GNA11: variants seen among roughly 807,000 people sequenced by gnomAD.
GNA11 encodes the protein G protein subunit alpha 11, also known as guanine nucleotide-binding protein subunit alpha-11.
GNA11 carries 8 observed loss-of-function variants against 38.2 expected under a neutral mutation model. The ratio of observed to expected loss-of-function variants is 0.21; its 90% confidence interval spans 0.12 to 0.38. The LOEUF is 0.38. Ranked by LOEUF, GNA11 falls within the 10% of genes least tolerant of loss-of-function variation. The probability of loss-of-function intolerance (pLI) is 1.00; values close to 1 mark genes in which losing one functional copy is unlikely to be tolerated. For synonymous variants in GNA11, 211 were observed against 221.4 expected (o/e 0.95, Z 0.42); for missense variants, 268 against 516.3 (o/e 0.52, Z 4.66).
At chr19:3,118,308 A>C (rs2145325044) in intron 4 of GNA11, 1 of 152,308 alleles carries the variant, frequency 6.6e-6, no homozygotes, top group South Asian at 2.1e-4. Context: ...TAAGGAACGC[A>C]CGCCCGCAGA....
In GNA11 at chr19:3,113,477, G is replaced by A. The variant is rs2145318940; in HGVS notation, c.469G>A (p.Ala157Thr). Residue 157 changes from alanine (A) to threonine (T), a missense_variant, in exon 3 of 7, where the codon GCC (alanine) becomes ACC (threonine). Physicochemically the swap from Ala to Thr is moderately conservative, Grantham distance 58. This residue lies in a region of GNA11 where 151 missense variants were observed against 254.0 expected (regional missense o/e 0.59). Coordinates refer to ENST00000078429, the MANE Select transcript of GNA11 (RefSeq NM_002067.5). ...GCGCGAGTACCAGCTCTCCGACTCTGCCAAGTAGTAAGTGCGGCCGCACCG... is the reference window on the plus strand; with the variant it reads ...GCGCGAGTACCAGCTCTCCGACTCTACCAAGTAGTAAGTGCGGCCGCACCG... Reference protein sequence around the residue: ...RRREYQLSDSAKYYLTDVDRI... With the variant: ...RRREYQLSDSTKYYLTDVDRI... 1 of 1,598,706 alleles carries A rather than the reference G, an allele frequency of 6.3e-7. No homozygotes were observed.
At chr19:3,096,636 C>G (rs1470208486) in intron 1 of GNA11, among the ~76,000 whole-genome samples, 1 of 152,150 alleles carries the variant, frequency 6.6e-6, no homozygotes, top group Non-Finnish European at 1.5e-5. Flanking sequence ...CGGCCCTTCC[C>G]GCATCCTCTG....
At chr19:3,115,652 G>T (rs528837625) in intron 4 of GNA11, among the ~76,000 whole-genome samples, 1 of 151,342 alleles carries the variant, frequency 6.6e-6, no homozygotes, top group East Asian at 2.0e-4. Flanking sequence ...CTGGGGTCTG[G>T]AGTGCTGGCC....
At chr19:3,111,268 C>T (rs773553379) in intron 2 of GNA11, among the ~76,000 whole-genome samples, 6 of 152,180 alleles carry the variant, frequency 3.9e-5, no homozygotes, top group Non-Finnish European at 5.9e-5. Context: ...TCACCGCTGT[C>T]GGATTCCAGA....
chr19:3,107,402 G>T (rs994780062), intron 1 of GNA11, among the ~76,000 whole-genome samples: 3 of 152,134 alleles, frequency 2.0e-5, no homozygotes, highest in African/African-American at 7.2e-5. Flanking sequence ...TGGCCTGAGG[G>T]ACCTTGTGTC....
rs369471003 is a variant in GNA11, at chr19:3,108,464, C to T, written c.137-1685C>T. On this transcript the variant is annotated intron_variant, in intron 1 of 6. Transcript: ENST00000078429. This position sits in a 1 kb window ranked among gnomAD's most constrained non-coding sequence, Gnocchi z 4.5. ...GTGGGCAGAGGGCAACAGCGTAGGACGTGTGTGGAAGTGGGGAGGTGCCGG... is the reference window on the plus strand; with the variant it reads ...GTGGGCAGAGGGCAACAGCGTAGGATGTGTGTGGAAGTGGGGAGGTGCCGG... 1.1e-4 allele frequency among the ~76,000 whole-genome samples: 16 copies of T among 148,768 alleles called. No individual in the cohort carries two copies. The highest frequency in any genetic ancestry group is 1.6e-4 in the Non-Finnish European group (11 of 67,560).
chr19:3,104,486 C>T (rs1913588571), intron 1 of GNA11, among the ~76,000 whole-genome samples: 1 of 152,308 alleles, frequency 6.6e-6, no homozygotes. Context: ...AAGCACCTTG[C>T]TTGTGGTTGT....
chr19:3,100,547 C>T (rs541452730), intron 1 of GNA11, among the ~76,000 whole-genome samples: 1 of 152,356 alleles, frequency 6.6e-6, no homozygotes, highest in African/African-American at 2.4e-5. Flanking sequence ...CCCCAATGCC[C>T]TGCAGGCTGG....
Position 3,112,679 on chromosome 19 carries a change from G to A in GNA11, c.322-651G>A, listed in dbSNP as rs376301095. ...GCCCAGGGTTCCGTGAGGGGGAGGC[G>A]GCTCGTGTTGGGGCACCATGTAAAC... On this transcript the variant is annotated intron_variant, in intron 2 of 6. Coordinates refer to ENST00000078429, the MANE Select transcript of GNA11 (RefSeq NM_002067.5). Among the ~76,000 whole-genome samples, 19 of 152,374 alleles carry A rather than the reference G, an allele frequency of 1.2e-4. No homozygotes were observed. The South Asian group carries it at 2.3e-3, about 18-fold the overall frequency.
chr19:3,112,736 C>T (rs1467256420), intron 2 of GNA11, among the ~76,000 whole-genome samples: 2 of 152,228 alleles, frequency 1.3e-5, no homozygotes, highest in African/African-American at 4.8e-5. Flanking sequence ...GGCCACACGC[C>T]GTCCTTAGCA....
rs1041545924 is a variant in GNA11 at position 3,094,981 on chromosome 19, C to G, written c.136+194C>G. Among the ~76,000 whole-genome samples the G allele has an allele frequency of 1.3e-5, 2 of 151,340 alleles. No homozygotes were observed. The highest frequency in any genetic ancestry group is 3.0e-5 in the Non-Finnish European group (2 of 67,792). ...CGGGACCCTCGAGTGTCAGCCCTGC[C>G]TGTGCCTTCACTGCCTGTCCGGGTC... On this transcript the variant is annotated intron_variant, in intron 1 of 6. Transcript: ENST00000078429. The surrounding 1 kb of genome is among the most constrained non-coding windows in gnomAD (Gnocchi z 6.0).
At chr19:3,096,021 C>G (rs1049200410) in intron 1 of GNA11, among the ~76,000 whole-genome samples, 6 of 152,052 alleles carry the variant, frequency 3.9e-5, no homozygotes, top group Non-Finnish European at 4.4e-5. Flanking sequence ...GCTCCTGGGC[C>G]GGGGGCGGGG....
chr19:3,112,341 C>T (rs930542392), intron 2 of GNA11, among the ~76,000 whole-genome samples: 6 of 152,166 alleles, frequency 3.9e-5, no homozygotes, highest in African/African-American at 1.4e-4. Context: ...TCAGAGGGGA[C>T]AAGCAAGGGC....
chr19:3,110,358 G>A lies in GNA11; in HGVS notation c.321+25G>A, dbSNP rs1363585677. 3.8e-6 allele frequency: 6 copies of A among 1,582,212 alleles called. No homozygotes were observed. Among genetic ancestry groups the A allele is most frequent in the Non-Finnish European group, 5.2e-6 (6 of 1,153,020 alleles). On this transcript the variant is annotated intron_variant, in intron 2 of 6. Coordinates refer to ENST00000078429, the MANE Select transcript of GNA11 (RefSeq NM_002067.5). The surrounding 1 kb of genome is among the most constrained non-coding windows in gnomAD (Gnocchi z 5.4). ...GGTGAGCCCGCGGGCGCCTGGGGAG[G>A]GGAGCGCCTGGGCAGCTGTGGGCTT...
At chr19:3,101,460 T>A in intron 1 of GNA11, among the ~76,000 whole-genome samples, 1 of 152,156 alleles carries the variant, frequency 6.6e-6, no homozygotes, top group East Asian at 1.9e-4. Context: ...CAGCCTTTTC[T>A]CCAGCCACAC....
chr19:3,113,579 C>A, intron 3 of GNA11, 95 bp downstream of exon 3: 2 of 945,826 alleles, frequency 2.1e-6, no homozygotes, highest in Non-Finnish European at 1.5e-6. Flanking sequence ...CTGTGGTGCC[C>A]CCTGCCTGCT....
intron 1 of GNA11, among the ~76,000 whole-genome samples, chr19:3,097,291 C>T (rs1252369873): frequency 1.3e-5 from 2 of 152,148 alleles, no homozygotes; most frequent in African/African-American, 4.8e-5. Context: ...GAGGCCCAGC[C>T]AAGCTGGGTC....
rs577610286 is a variant in GNA11, at chr19:3,116,958, C to T, written c.605+1886C>T. ...CTGTTCTCCCCACCCGTCCTCCCAG[C>T]TCGGCCTCCCAGCGCAGGCAGGGAG... On this transcript the variant is annotated intron_variant, in intron 4 of 6. Transcript: ENST00000078429. Among the ~76,000 whole-genome samples the T allele has an allele frequency of 7.2e-5, 11 of 152,282 alleles. No homozygotes were observed. The South Asian group carries it at 2.3e-3, about 32-fold the overall frequency.
In GNA11 at chr19:3,120,376, C is replaced by T. The variant is rs1914038478; in HGVS notation, c.890-613C>T. On this transcript the variant is annotated intron_variant, in intron 6 of 6. Transcript: ENST00000078429. The surrounding 1 kb of genome is among the most constrained non-coding windows in gnomAD (Gnocchi z 5.9). ...AGGCCAAGGGACTGGGGCATAGACC[C>T]CTGTCCCACCAGTCCCCAGAGCAGC... Among the ~76,000 whole-genome samples the T allele has an allele frequency of 6.6e-6, 1 of 152,134 alleles. No homozygotes were observed. Among genetic ancestry groups the T allele is most frequent in the Non-Finnish European group, 1.5e-5 (1 of 67,996 alleles).
Sources: allele counts gnomAD v4.1 joint callset (sites outside exome capture counted in the v4.1 genomes callset), GRCh38; gene constraint gnomAD v4.1.1; regional missense constraint gnomAD v4.1.1; non-coding constraint Gnocchi (gnomAD v3.1); transcripts MANE v1.5; gene names NCBI Gene and HGNC (gene_info 2026-07-23, HGNC 2026-07-21).